The following HMCN1 variants were observed in gnomAD, a reference collection of about 807,000 sequenced individuals.
The protein encoded by HMCN1 is hemicentin 1.
A neutral mutation model predicts 625.9 loss-of-function variants in HMCN1; 321 were observed. The ratio of observed to expected loss-of-function variants is 0.51; its 90% confidence interval spans 0.47 to 0.56. The LOEUF (loss-of-function observed/expected upper bound fraction) is 0.56, where lower values mean the gene tolerates loss of function less well. Ranked by LOEUF, HMCN1 falls within the 20% of genes least tolerant of loss-of-function variation. HMCN1 has a pLI of 0.00. For synonymous variants in HMCN1, 2,425 were observed against 2,417.6 expected (o/e 1.00, Z -0.09); for missense variants, 6,588 against 6,887.3 (o/e 0.96, Z 1.54).
In HMCN1 at chr1:186,088,232, T is replaced by A; in HGVS notation, c.9533T>A (p.Ile3178Asn). 2 of 1,612,926 alleles carry A rather than the reference T, an allele frequency of 1.2e-6. No homozygotes were observed. Among genetic ancestry groups the A allele is most frequent in the Non-Finnish European group, 8.5e-7 (1 of 1,179,308 alleles). ...PVTLTCDATG[I>N]PPPTIAWLKN... ...ACATTAACATGTGATGCCACTGGGATCCCACCTCCCACGATAGCATGGTTA... is the reference window on the plus strand; with the variant it reads ...ACATTAACATGTGATGCCACTGGGAACCCACCTCCCACGATAGCATGGTTA... Residue 3178 changes from isoleucine to asparagine, a missense_variant, in exon 62 of 107, where the codon ATC (isoleucine) becomes AAC (asparagine). Ile to Asn is a moderately radical substitution (Grantham distance 149). Coordinates refer to ENST00000271588, the MANE Select transcript of HMCN1 (RefSeq NM_031935.3).
chr1:185,891,844 C>T (rs1283729241), intron 4 of HMCN1, among the ~76,000 whole-genome samples: 2 of 147,622 alleles, frequency 1.4e-5, no homozygotes, highest in African/African-American at 5.4e-5. Flanking sequence ...TTTCCTGAAT[C>T]TGAACGTTGG....
chr1:185,946,534 A>C (rs1369500259), intron 11 of HMCN1, among the ~76,000 whole-genome samples: 2 of 152,182 alleles, frequency 1.3e-5, no homozygotes, highest in Non-Finnish European at 2.9e-5. Flanking sequence ...TCTTATTTGA[A>C]AATTCTGTGA....
intron 97 of HMCN1, among the ~76,000 whole-genome samples, chr1:186,161,439 A>T (rs1430230990): frequency 6.6e-6 from 1 of 151,768 alleles, no homozygotes; most frequent in Non-Finnish European, 1.5e-5. Flanking sequence ...TAATATTGTT[A>T]TGTGTGAATT....
chr1:185,969,351 T>C (rs1382933216), intron 14 of HMCN1, among the ~76,000 whole-genome samples: 1 of 152,214 alleles, frequency 6.6e-6, no homozygotes, highest in African/African-American at 2.4e-5. Flanking sequence ...CGGTTGCTGA[T>C]GTAATTTTTT....
chr1:185,772,891 C>A (rs138536961), intron 1 of HMCN1, among the ~76,000 whole-genome samples: 1 of 152,070 alleles, frequency 6.6e-6, no homozygotes. Context: ...TGCTTCCTTA[C>A]GTGGCAGAAG....
At position 186,144,625 on chromosome 1, in the gene HMCN1, C is replaced by G; in HGVS notation, c.14188C>G (p.Pro4730Ala). The change falls in exon 91 of 107, where the codon CCT (proline) becomes GCT (alanine). Residue 4730 changes from proline (P) to alanine (A), a missense_variant. Pro to Ala is a conservative substitution (Grantham distance 27). Transcript: ENST00000271588. ...ARQRTRGCSDPVPQYGGRKCE... is the reference protein window; with the variant it reads ...ARQRTRGCSDAVPQYGGRKCE... Reference sequence around the variant, plus strand: ...ACAGAGAACAAGGGGCTGCTCCGACCCTGTGCCCCAGTATGGAGGAAGGAA... The same window carrying G: ...ACAGAGAACAAGGGGCTGCTCCGACGCTGTGCCCCAGTATGGAGGAAGGAA... The G allele has an allele frequency of 6.2e-7, 1 of 1,614,078 alleles. No homozygotes were observed. Among genetic ancestry groups the G allele is most frequent in the Non-Finnish European group, 8.5e-7 (1 of 1,180,002 alleles).
In HMCN1 at chr1:186,145,870, C is replaced by G. The variant is rs374597394; in HGVS notation, c.14555C>G (p.Pro4852Arg). The G allele has an allele frequency of 3.2e-4, 517 of 1,613,858 alleles. No individual in the cohort carries two copies. Among genetic ancestry groups the G allele is most frequent in the Non-Finnish European group, 4.2e-4 (496 of 1,179,990 alleles). ...CCTGTGCCAGTTAAAGGTGGCCGTC[C>G]CTGTCCCGGAGACACTACTCAGGTG... Reference protein sequence around the residue: ...DHPVPVKGGRPCPGDTTQVTR... With the variant: ...DHPVPVKGGRRCPGDTTQVTR... Residue 4852 changes from proline to arginine, a missense_variant, in exon 93 of 107, where the codon CCC becomes CGC. Physicochemically the swap from Pro to Arg is moderately radical, Grantham distance 103 (BLOSUM62 -2). Transcript: ENST00000271588.
At chr1:186,055,246 A>T (rs79269503) in intron 44 of HMCN1, 147 bp from the exon 45 acceptor site, 45 of 753,908 alleles carry the variant, frequency 6.0e-5, no homozygotes, top group Middle Eastern at 3.7e-4. Flanking sequence ...TCAGCATAAC[A>T]TCATGTCTGT....
intron 1 of HMCN1, among the ~76,000 whole-genome samples, chr1:185,800,126 G>A (rs1658694599): frequency 6.6e-6 from 1 of 152,206 alleles, no homozygotes. Flanking sequence ...CAGCCTACAA[G>A]GTGATAGTGG....
intron 60 of HMCN1, 120 bp from the exon 61 acceptor site, chr1:186,087,812 A>G: frequency 8.8e-7 from 1 of 1,136,650 alleles, no homozygotes; most frequent in Non-Finnish European, 1.3e-6. Context: ...AGATTGCAGA[A>G]GGCAATTAGA....
At chr1:186,115,156 T>C in intron 74 of HMCN1, 102 bp from the exon 75 acceptor site, 1 of 1,461,714 alleles carries the variant, frequency 6.8e-7, no homozygotes, top group Admixed American at 1.7e-5. Context: ...CTCATAACTA[T>C]GAGGCAAGTT....
Position 186,018,326 on chromosome 1 carries a change from A to G in HMCN1, c.5444A>G (p.Lys1815Arg), listed in dbSNP as rs1257848137. Residue 1815 changes from lysine (K) to arginine (R), a missense_variant, in exon 34 of 107, where the codon AAG becomes AGG. Lys to Arg is a conservative substitution (Grantham distance 26, BLOSUM62 2). Transcript: ENST00000271588. ...GCAGCAAATACTGCTGGAGACCACA[A>G]GAAGGAATTTGAAGTGACTGTTCAT... ...CMAANTAGDH[K>R]KEFEVTVHVP... The G allele has an allele frequency of 2.5e-6, 4 of 1,612,900 alleles. No individual in the cohort carries two copies. The South Asian group carries it at 4.4e-5, about 18-fold the overall frequency.
At chr1:185,907,434 G>A (rs1666157582) in intron 4 of HMCN1, among the ~76,000 whole-genome samples, 1 of 151,818 alleles carries the variant, frequency 6.6e-6, no homozygotes, top group South Asian at 2.1e-4. Context: ...GTCATAGCCT[G>A]ACTTTATGAC....
At chr1:186,140,648 C>T (rs1021862467) in intron 89 of HMCN1, among the ~76,000 whole-genome samples, 2 of 152,134 alleles carry the variant, frequency 1.3e-5, no homozygotes, top group Non-Finnish European at 2.9e-5. Context: ...ATCAACCTTT[C>T]ACCCACTAGT....
intron 1 of HMCN1, among the ~76,000 whole-genome samples, chr1:185,774,246 T>A (rs756805488): frequency 6.6e-6 from 1 of 152,070 alleles, no homozygotes; most frequent in African/African-American, 2.4e-5. Flanking sequence ...AAGAAGAACA[T>A]TGATGAAATA....
chr1:186,063,511 A>AAGGG (rs1453721980), intron 48 of HMCN1, among the ~76,000 whole-genome samples: 1 of 124,888 alleles, frequency 8.0e-6, no homozygotes, highest in Non-Finnish European at 1.7e-5. Context: ...GGAAGGAAGG[A>AAGGG]AGGGAGTCTT....
At chr1:185,865,906 A>T (rs1209353772) in intron 4 of HMCN1, 43 bp downstream of exon 4, 1 of 1,606,158 alleles carries the variant, frequency 6.2e-7, no homozygotes, top group South Asian at 1.1e-5. Context: ...CAGCTGCCTT[A>T]TCAAAATCAG....
chr1:186,124,559 G>A (rs1225126960), intron 81 of HMCN1, among the ~76,000 whole-genome samples: 1 of 151,958 alleles, frequency 6.6e-6, no homozygotes, highest in Middle Eastern at 3.4e-3. Flanking sequence ...GTACCATTGA[G>A]CAAAATCAAT....
chr1:186,024,608 G>A (rs558959507), intron 36 of HMCN1, among the ~76,000 whole-genome samples: 4 of 152,264 alleles, frequency 2.6e-5, no homozygotes, highest in Admixed American at 6.5e-5. Flanking sequence ...TAAACATGAT[G>A]TATGTTACCT....
Sources: allele counts gnomAD v4.1 joint callset (sites outside exome capture counted in the v4.1 genomes callset), GRCh38; gene constraint gnomAD v4.1.1; transcripts MANE v1.5; gene names NCBI Gene and HGNC (gene_info 2026-07-23, HGNC 2026-07-21).